FRMD4A: variants seen among roughly 807,000 people sequenced by gnomAD.
The protein encoded by FRMD4A is FERM domain-containing protein 4A.
FRMD4A carries 29 observed loss-of-function variants against 129.1 expected under a neutral mutation model. The observed-to-expected ratio is 0.22, with a 90% CI of 0.17 to 0.31. The LOEUF (loss-of-function observed/expected upper bound fraction) is 0.31. Ranked by LOEUF, FRMD4A falls within the 10% of genes least tolerant of loss-of-function variation. FRMD4A has a pLI of 1.00. For missense variants in FRMD4A, 1,272 were observed against 1,375.8 expected, an observed-to-expected ratio of 0.92 and a Z score of 1.19; for synonymous variants, 634 against 571.6, an observed-to-expected ratio of 1.11 and a Z score of -1.56.
At chr10:14,178,998 G>C (rs1015651954) in intron 2 of FRMD4A, among the ~76,000 whole-genome samples, 4 of 151,988 alleles carry the variant, frequency 2.6e-5, no homozygotes, top group African/African-American at 9.7e-5. Context: ...TTCATATTTT[G>C]ATGTCAAAAA....
In FRMD4A at chr10:13,759,634, C is replaced by A. The variant is rs547836514; in HGVS notation, c.464+2013G>T. On this transcript the variant is annotated intron_variant, in intron 8 of 24. Transcript: ENST00000357447. Reference sequence around the variant, plus strand: ...ATCTTTGTAAGTAGATATGGACTGGCACTTATCAAAACCCCAAATTCCAAG... The same window carrying A: ...ATCTTTGTAAGTAGATATGGACTGGAACTTATCAAAACCCCAAATTCCAAG... Among the ~76,000 whole-genome samples, 6 of 152,176 alleles carry A rather than the reference C, an allele frequency of 3.9e-5. No homozygotes were observed. In the East Asian group the frequency reaches 9.6e-4, roughly 24 times the overall value.
At chr10:13,692,332 G>C (rs1163805865) in intron 15 of FRMD4A, 1 of 152,052 alleles carries the variant, frequency 6.6e-6, no homozygotes, top group Non-Finnish European at 1.5e-5. Flanking sequence ...ATTTTTAGTA[G>C]AGATGGGGTT....
At chr10:14,183,182 T>C (rs541993138) in intron 2 of FRMD4A, among the ~76,000 whole-genome samples, 2 of 152,376 alleles carry the variant, frequency 1.3e-5, no homozygotes, top group South Asian at 2.1e-4. Flanking sequence ...CGATTTTTCT[T>C]AATTTAAAAT....
rs183479178 is a variant in FRMD4A, at chr10:13,873,246, A to G, written c.46-14334T>C. On this transcript the variant is annotated intron_variant, in intron 2 of 24. Transcript: ENST00000357447. ...GAGACCCCAGACAGACAGTTTTTAAAAGCCTAGAAAAAAAGATAAGGCTGA... is the reference window on the plus strand; with the variant it reads ...GAGACCCCAGACAGACAGTTTTTAAGAGCCTAGAAAAAAAGATAAGGCTGA... Among the ~76,000 whole-genome samples, 371 of 142,658 alleles carry G rather than the reference A, an allele frequency of 2.6e-3. 3 individuals carry two copies. Among genetic ancestry groups the G allele is most frequent in the African/African-American group, 9.3e-3 (353 of 37,852 alleles). 93.6% of individuals were successfully genotyped at this position (142,658 alleles called of 152,430 possible). A position where few individuals can be genotyped will look rare whatever the true frequency, so the allele number is the denominator to read the frequency against.
At chr10:14,268,225 T>C (rs1268076678) in intron 2 of FRMD4A, among the ~76,000 whole-genome samples, 1 of 152,266 alleles carries the variant, frequency 6.6e-6, no homozygotes. Context: ...TAAAATATAA[T>C]GGTCAACTTA....
chr10:13,884,190 A>ACT (rs1564971460), intron 2 of FRMD4A, among the ~76,000 whole-genome samples: 8 of 88,778 alleles, frequency 9.0e-5, no homozygotes, highest in African/African-American at 3.5e-4. Context: ...ACACACACAC[A>ACT]CACACTCACA....
At chr10:13,931,088 G>A (rs1337290922) in intron 2 of FRMD4A, among the ~76,000 whole-genome samples, 1 of 152,150 alleles carries the variant, frequency 6.6e-6, no homozygotes, top group East Asian at 1.9e-4. Context: ...TCTCACTTCA[G>A]CCTCCCAAAG....
intron 8 of FRMD4A, among the ~76,000 whole-genome samples, chr10:13,753,400 G>A (rs1158934122): frequency 2.6e-5 from 4 of 152,122 alleles, no homozygotes; most frequent in African/African-American, 9.7e-5. Flanking sequence ...ACAGACAAAG[G>A]GAATCACTTG....
intron 2 of FRMD4A, among the ~76,000 whole-genome samples, chr10:13,957,967 T>A (rs1283635341): frequency 6.6e-6 from 1 of 152,098 alleles, no homozygotes; most frequent in African/African-American, 2.4e-5. Flanking sequence ...TAAGAGCCTA[T>A]GTAAACCCTG....
intron 2 of FRMD4A, among the ~76,000 whole-genome samples, chr10:14,118,870 A>G (rs1838342814): frequency 1.3e-5 from 2 of 152,148 alleles, no homozygotes; most frequent in Non-Finnish European, 2.9e-5. Context: ...CAGCCAAACC[A>G]TATCACTGAC....
In FRMD4A at chr10:14,234,690, C is replaced by T. The variant is rs1031513881; in HGVS notation, c.45+95368G>A. Among the ~76,000 whole-genome samples the T allele has an allele frequency of 3.7e-4, 57 of 152,106 alleles. 1 individual carries two copies. The highest frequency in any genetic ancestry group is 3.7e-3 in the Admixed American group (57 of 15,254). On this transcript the variant is annotated intron_variant, in intron 2 of 24. Transcript: ENST00000357447. ...TTCTACAAACAGAACCTGATAACCACAGCGTAAGCTCGATGCTAAAAACCA... is the reference window on the plus strand; with the variant it reads ...TTCTACAAACAGAACCTGATAACCATAGCGTAAGCTCGATGCTAAAAACCA...
chr10:13,938,642 G>A (rs930303735), intron 2 of FRMD4A, among the ~76,000 whole-genome samples: 1 of 152,156 alleles, frequency 6.6e-6, no homozygotes, highest in African/African-American at 2.4e-5. Context: ...TCCTGGCAAA[G>A]CTTTATACAG....
chr10:13,768,268 G>C (rs1235261072), intron 6 of FRMD4A, among the ~76,000 whole-genome samples: 2 of 152,190 alleles, frequency 1.3e-5, no homozygotes, highest in Non-Finnish European at 2.9e-5. Flanking sequence ...GGGTCTCCAA[G>C]TGTTTCTAAC....
At chr10:14,014,300 C>T (rs73589194) in intron 2 of FRMD4A, among the ~76,000 whole-genome samples, 2,303 of 152,252 alleles carry the variant, frequency 0.015, 63 homozygotes, top group African/African-American at 0.053. Context: ...TACCCTGACT[C>T]GATTATTACA....
intron 2 of FRMD4A, among the ~76,000 whole-genome samples, chr10:14,135,436 T>A (rs1839483888): frequency 1.3e-5 from 2 of 152,252 alleles, no homozygotes; most frequent in African/African-American, 4.8e-5. Context: ...TTTCTGTACA[T>A]CATTTCCCTT....
intron 2 of FRMD4A, among the ~76,000 whole-genome samples, chr10:13,994,133 C>T (rs946863444): frequency 5.3e-5 from 8 of 150,178 alleles, no homozygotes; most frequent in African/African-American, 9.8e-5. Context: ...CTCAGCCTCC[C>T]GAGTAGCTGG....
intron 12 of FRMD4A, among the ~76,000 whole-genome samples, chr10:13,731,760 G>A (rs895461751): frequency 1.3e-4 from 20 of 152,208 alleles, no homozygotes; most frequent in African/African-American, 4.6e-4. Context: ...TATTCTGGGG[G>A]AGGTGCATGC....
At chr10:14,048,885 TAGAATAGAATAGAATAGAAA>T (rs1273050265) in intron 2 of FRMD4A, among the ~76,000 whole-genome samples, 4 of 92,832 alleles carry the variant, frequency 4.3e-5, no homozygotes, top group African/African-American at 1.9e-4. Context: ...TAGAATAGAA[TAGAATAGAATAGAATAGAAA>T]ATAAAATGAA....
intron 2 of FRMD4A, among the ~76,000 whole-genome samples, chr10:13,943,369 G>T (rs1292313906): frequency 1.3e-5 from 2 of 152,134 alleles, no homozygotes; most frequent in South Asian, 2.1e-4. Context: ...ACCCACATCG[G>T]CCAGGTGCGG....
Sources: gnomAD v4.1 joint callset for allele counts (sites outside exome capture counted in the v4.1 genomes callset) on GRCh38, gnomAD v4.1.1 for gene constraint, MANE v1.5 for transcripts, NCBI Gene and HGNC (gene_info 2026-07-23, HGNC 2026-07-21) for gene names.